LRRC49: variants seen among roughly 807,000 people sequenced by gnomAD.
The protein encoded by LRRC49 is leucine rich repeat containing 49.
LRRC49 carries 50 observed loss-of-function variants against 83.3 expected under a neutral mutation model. That is an observed-to-expected ratio of 0.60 (90% CI 0.48 to 0.76). The LOEUF is 0.76. LRRC49 is among the 30% of genes least tolerant of loss of function. The pLI, the probability that LRRC49 is intolerant of heterozygous loss-of-function variation, is 0.00. For synonymous variants in LRRC49, 286 were observed against 283.3 expected (o/e 1.01, Z -0.10); for missense variants, 704 against 809.1 (o/e 0.87, Z 1.58).
intron 1 of LRRC49, chr15:70,859,812 T>A: frequency 5.3e-6 from 4 of 756,254 alleles, no homozygotes; most frequent in East Asian, 5.1e-5. Context: ...AGGCAGGATA[T>A]GGTGTGGCAG....
At chr15:70,853,973 T>G in intron 1 of LRRC49, 1 of 1,459,958 alleles carries the variant, frequency 6.8e-7, no homozygotes, top group African/African-American at 1.5e-5. Context: ...GCCCCGAGTC[T>G]CCGCCCCCTC....
At chr15:70,933,822 C>T (rs539259501) in intron 7 of LRRC49, among the ~76,000 whole-genome samples, 2 of 152,254 alleles carry the variant, frequency 1.3e-5, no homozygotes, top group East Asian at 3.9e-4. Flanking sequence ...TGACAAAGCA[C>T]GGTGAGGTTT....
chr15:70,882,484 C>T (rs2033287692), intron 2 of LRRC49: 1 of 1,613,246 alleles, frequency 6.2e-7, no homozygotes, highest in Non-Finnish European at 8.5e-7. Context: ...CCTGTACAGC[C>T]ATATAAGACA....
intron 7 of LRRC49, among the ~76,000 whole-genome samples, chr15:70,919,978 T>A (rs1231508411): frequency 1.3e-5 from 2 of 152,218 alleles, no homozygotes; most frequent in Non-Finnish European, 2.9e-5. Context: ...TGAGATATTT[T>A]GTATTCGTAC....
At chr15:70,854,256 C>T (rs1238064697) in intron 1 of LRRC49, 2 of 276,038 alleles carry the variant, frequency 7.2e-6, no homozygotes, top group Non-Finnish European at 1.1e-5. Flanking sequence ...CCGCCGCCGC[C>T]GCCGCCGCCA....
At chr15:70,924,987 T>G (rs1402954441) in intron 7 of LRRC49, among the ~76,000 whole-genome samples, 1 of 152,052 alleles carries the variant, frequency 6.6e-6, no homozygotes, top group African/African-American at 2.4e-5. Flanking sequence ...TAAGATTTCT[T>G]TTTGAAGTCC....
intron 9 of LRRC49, among the ~76,000 whole-genome samples, chr15:70,965,732 G>T (rs1028516353): frequency 6.6e-6 from 1 of 151,962 alleles, no homozygotes; most frequent in African/African-American, 2.4e-5. Flanking sequence ...CTTACTTTAG[G>T]ATGATTTCTG....
chr15:71,031,908 G>A lies in LRRC49; in HGVS notation c.1704-5271G>A, dbSNP rs372653550. ...GTGCTGGCAGTGAGAATTTCAAGCC[G>A]GTGGTTCTTAGCTTGCTGGACTCTG... is the stretch of plus-strand genomic sequence containing the variant. On this transcript the variant is annotated intron_variant, in intron 14 of 15. Coordinates refer to ENST00000260382, the MANE Select transcript of LRRC49 (RefSeq NM_017691.5). Among the ~76,000 whole-genome samples, 114 of 152,240 alleles carry A rather than the reference G, an allele frequency of 7.5e-4. 2 individuals carry two copies. The South Asian group carries it at 0.012, about 16-fold the overall frequency.
intron 9 of LRRC49, among the ~76,000 whole-genome samples, chr15:70,969,556 A>G (rs117538076): frequency 0.02 from 3,067 of 152,312 alleles, 35 homozygotes; most frequent in Non-Finnish European, 0.031. Flanking sequence ...CATTAAATAT[A>G]TAAATTACTT....
intron 2 of LRRC49, among the ~76,000 whole-genome samples, chr15:70,875,264 A>G (rs2033128414): frequency 6.6e-6 from 1 of 152,168 alleles, no homozygotes; most frequent in Non-Finnish European, 1.5e-5. Context: ...AACTTAGAAA[A>G]CATCCAGTGT....
At chr15:70,916,785 C>A (rs115698865) in intron 6 of LRRC49, among the ~76,000 whole-genome samples, 8 of 152,128 alleles carry the variant, frequency 5.3e-5, no homozygotes, top group African/African-American at 1.9e-4. Context: ...ACTCAAGTCA[C>A]GGCTGCAGAC....
At chr15:71,037,564 A>T (rs1271802111) in intron 15 of LRRC49, among the ~76,000 whole-genome samples, 1 of 152,110 alleles carries the variant, frequency 6.6e-6, no homozygotes, top group African/African-American at 2.4e-5. Flanking sequence ...GCAGAAAAAA[A>T]AAATGCTCAA....
chr15:71,033,115 A>G (rs1467685285), intron 14 of LRRC49, among the ~76,000 whole-genome samples: 1 of 152,166 alleles, frequency 6.6e-6, no homozygotes, highest in Non-Finnish European at 1.5e-5. Context: ...AGAAAACCCC[A>G]TTGTCTCAGC....
intron 5 of LRRC49, among the ~76,000 whole-genome samples, chr15:70,908,445 G>A (rs978022404): frequency 1.3e-5 from 2 of 152,174 alleles, no homozygotes; most frequent in African/African-American, 4.8e-5. Context: ...ATTGGGGATG[G>A]AATCACAGGG....
At position 70,933,329 on chromosome 15, in the gene LRRC49, C is replaced by T. The variant is rs568345354; in HGVS notation, c.712-3432C>T. On this transcript the variant is annotated intron_variant, in intron 7 of 15. Coordinates refer to ENST00000260382, the MANE Select transcript of LRRC49 (RefSeq NM_017691.5). ...TTAATAACGAGCTATAAATATTCCC[C>T]TACATGTAAACATTTTATTTCATTT... is the stretch of plus-strand genomic sequence containing the variant. Among the ~76,000 whole-genome samples, 3 of 152,064 alleles carry T rather than the reference C, an allele frequency of 2.0e-5. No homozygotes were observed. The East Asian group carries it at 5.8e-4, about 29-fold the overall frequency.
chr15:71,042,091 T>C (rs2039713592), intron 15 of LRRC49, among the ~76,000 whole-genome samples: 1 of 152,200 alleles, frequency 6.6e-6, no homozygotes, highest in Non-Finnish European at 1.5e-5. Flanking sequence ...TTGGCTATGA[T>C]TTTTTAACAC....
At chr15:71,012,411 G>C (rs560948479) in intron 13 of LRRC49, among the ~76,000 whole-genome samples, 14 of 151,764 alleles carry the variant, frequency 9.2e-5, no homozygotes, top group Non-Finnish European at 1.3e-4. Flanking sequence ...GCTTACCTTT[G>C]ACACATTATT....
intron 9 of LRRC49, among the ~76,000 whole-genome samples, chr15:70,978,653 A>G (rs2037291942): frequency 1.3e-5 from 2 of 152,186 alleles, no homozygotes; most frequent in South Asian, 4.1e-4. Flanking sequence ...AAAAGGATAG[A>G]AATATGTCTA....
At chr15:71,004,936 A>T (rs920798237) in intron 11 of LRRC49, among the ~76,000 whole-genome samples, 1 of 152,208 alleles carries the variant, frequency 6.6e-6, no homozygotes, top group Non-Finnish European at 1.5e-5. Flanking sequence ...ACTAACGGGT[A>T]CTAGGCTTAA....
Sources: allele counts gnomAD v4.1 joint callset (sites outside exome capture counted in the v4.1 genomes callset), GRCh38; gene constraint gnomAD v4.1.1; transcripts MANE v1.5; gene names NCBI Gene and HGNC (gene_info 2026-07-23, HGNC 2026-07-21).